GAB2: variants seen among roughly 807,000 people sequenced by gnomAD.
GAB2 encodes the protein GRB2-associated-binding protein 2.
A neutral mutation model predicts 65.5 loss-of-function variants in GAB2; 26 were observed. The ratio of observed to expected loss-of-function variants is 0.40; its 90% confidence interval spans 0.29 to 0.55. The LOEUF is 0.55. Among genes scored for constraint, GAB2 ranks in the 20% least tolerant of loss-of-function variants. GAB2 has a pLI of 0.53. For synonymous variants in GAB2, 321 were observed against 329.6 expected (o/e 0.97, Z 0.28); for missense variants, 884 against 875.8 (o/e 1.01, Z -0.12).
chr11:78,413,391 T>C (rs189171151), intron 1 of GAB2, among the ~76,000 whole-genome samples: 1 of 152,202 alleles, frequency 6.6e-6, no homozygotes, highest in Non-Finnish European at 1.5e-5. Context: ...CAGGCATTTA[T>C]AGTGTCAGCC....
rs1864581449 is a variant in GAB2, at chr11:78,225,013, C to T, written c.1302+95G>A. ...GGGCAGGGTCCTAAGATGGAGACGC[C>T]ATCAATCTTTTGGGGTTGTGCTTTT... is the stretch of plus-strand genomic sequence containing the variant. On this transcript the variant is annotated intron_variant, in intron 5 of 9. Transcript: ENST00000361507. 4.0e-6 allele frequency: 3 copies of T among 758,796 alleles called. No individual in the cohort carries two copies. The East Asian group carries it at 7.4e-5, about 19-fold the overall frequency. 47.0% of individuals were successfully genotyped at this position (758,796 alleles called of 1,614,324 possible).
chr11:78,363,975 A>G (rs1388046400), intron 1 of GAB2: 1 of 152,180 alleles, frequency 6.6e-6, no homozygotes, highest in Non-Finnish European at 1.5e-5. Flanking sequence ...GACCTAAGGG[A>G]AAGGTTCTCA....
chr11:78,302,860 A>C (rs1336738988), intron 1 of GAB2, among the ~76,000 whole-genome samples: 7 of 152,228 alleles, frequency 4.6e-5, no homozygotes, highest in Non-Finnish European at 1.0e-4. Context: ...ATACTAGTCG[A>C]CCATAAAAAG....
chr11:78,314,734 T>G (rs1374093205), intron 1 of GAB2, among the ~76,000 whole-genome samples: 2 of 152,224 alleles, frequency 1.3e-5, no homozygotes, highest in Non-Finnish European at 2.9e-5. Context: ...AAGGTAAGAC[T>G]ATATTGCATA....
At chr11:78,416,517 C>T (rs1857198156) in intron 1 of GAB2, among the ~76,000 whole-genome samples, 1 of 152,222 alleles carries the variant, frequency 6.6e-6, no homozygotes, top group African/African-American at 2.4e-5. Flanking sequence ...TCCGAGCTCC[C>T]TTGATGCACT....
chr11:78,315,534 C>G (rs1269896750), intron 1 of GAB2, among the ~76,000 whole-genome samples: 1 of 152,024 alleles, frequency 6.6e-6, no homozygotes, highest in Non-Finnish European at 1.5e-5. Flanking sequence ...GGACCAAAGA[C>G]CTAAATATAA....
At position 78,217,706 on chromosome 11, in the gene GAB2, C is replaced by T. The variant is rs1249630651; in HGVS notation, c.*1566G>A. On this transcript the variant is annotated 3_prime_UTR_variant, in exon 10 of 10. Coordinates refer to ENST00000361507, the MANE Select transcript of GAB2 (RefSeq NM_080491.3). ...AAGGAACCTTGGGTGATGCCCTACA[C>T]CCCGTCCCTGCTAATCTGATGGCCT... 6.6e-6 allele frequency: 1 copy of T among 152,280 alleles called. No homozygotes were observed. Among genetic ancestry groups the T allele is most frequent in the African/African-American group, 2.4e-5 (1 of 41,450 alleles). The allele number at this position is 152,280 out of a possible 1,614,324, so 9.4% of individuals were successfully genotyped here.
chr11:78,218,776 T>G lies in GAB2; in HGVS notation c.*496A>C, dbSNP rs1267988442. The G allele has an allele frequency of 6.5e-6, 1 of 153,750 alleles. No homozygotes were observed. The highest frequency in any genetic ancestry group is 1.5e-5 in the Non-Finnish European group (1 of 68,850). 9.5% of individuals were successfully genotyped at this position (153,750 alleles called of 1,614,324 possible). ...TCTCTCCTGCCAAGAAAAACAGGAA[T>G]GAAAAAGTCCATTATCCACTTTGGT... On this transcript the variant is annotated 3_prime_UTR_variant, in exon 10 of 10. Transcript: ENST00000361507.
chr11:78,373,400 G>A (rs901285281), intron 1 of GAB2, among the ~76,000 whole-genome samples: 1 of 151,920 alleles, frequency 6.6e-6, no homozygotes, highest in Non-Finnish European at 1.5e-5. Flanking sequence ...CACCACACCC[G>A]GCTAATTTTG....
At chr11:78,229,506 T>C (rs908720594) in intron 3 of GAB2, among the ~76,000 whole-genome samples, 3 of 152,166 alleles carry the variant, frequency 2.0e-5, no homozygotes, top group Non-Finnish European at 4.4e-5. Context: ...TCTGGAACTC[T>C]TCTCCTCCTG....
intron 3 of GAB2, among the ~76,000 whole-genome samples, chr11:78,247,252 A>G (rs1276734955): frequency 1.3e-5 from 2 of 152,092 alleles, no homozygotes; most frequent in Non-Finnish European, 2.9e-5. Flanking sequence ...GTCTTTGGGT[A>G]TTGCACTTTG....
At chr11:78,312,983 C>T (rs1286075623) in intron 1 of GAB2, among the ~76,000 whole-genome samples, 1 of 152,056 alleles carries the variant, frequency 6.6e-6, no homozygotes, top group South Asian at 2.1e-4. Context: ...TAATATAAAA[C>T]ATGATATACT....
At chr11:78,291,316 A>G (rs973052833) in intron 1 of GAB2, among the ~76,000 whole-genome samples, 1 of 128,504 alleles carries the variant, frequency 7.8e-6, no homozygotes, top group Non-Finnish European at 1.7e-5. Flanking sequence ...AAAAAAAAAA[A>G]TTAGCCAGGC....
At chr11:78,381,021 GAGTC>G (rs1856691375) in intron 1 of GAB2, among the ~76,000 whole-genome samples, 1 of 152,098 alleles carries the variant, frequency 6.6e-6, no homozygotes, top group Non-Finnish European at 1.5e-5. Flanking sequence ...CATTCATTTG[GAGTC>G]AGTGTCTCCC....
At chr11:78,286,227 C>T (rs1411355437) in intron 1 of GAB2, among the ~76,000 whole-genome samples, 2 of 152,138 alleles carry the variant, frequency 1.3e-5, no homozygotes, top group African/African-American at 4.8e-5. Flanking sequence ...GACTTTATGT[C>T]TTTGCACAAG....
intron 2 of GAB2, among the ~76,000 whole-genome samples, chr11:78,250,636 T>C (rs910119386): frequency 1.3e-5 from 2 of 152,132 alleles, no homozygotes; most frequent in Admixed American, 1.3e-4. Flanking sequence ...CCTATCACAA[T>C]GTAGGCCATA....
chr11:78,246,877 T>A (rs1017807506), intron 3 of GAB2, among the ~76,000 whole-genome samples: 4 of 152,098 alleles, frequency 2.6e-5, no homozygotes, highest in African/African-American at 9.7e-5. Flanking sequence ...TGTATGGTAG[T>A]TCAAATCTTC....
At chr11:78,408,707 G>A (rs1294269261) in intron 1 of GAB2, among the ~76,000 whole-genome samples, 2 of 152,178 alleles carry the variant, frequency 1.3e-5, no homozygotes, top group Admixed American at 1.3e-4. Flanking sequence ...ATTGGATTAT[G>A]GAGGTGGAGT....
At chr11:78,402,155 C>T (rs531178140) in intron 1 of GAB2, among the ~76,000 whole-genome samples, 25 of 152,160 alleles carry the variant, frequency 1.6e-4, no homozygotes, top group Non-Finnish European at 2.4e-4. Context: ...AATCCAGCAA[C>T]ACCCAACTGT....
Sources: gnomAD v4.1 joint callset for allele counts (sites outside exome capture counted in the v4.1 genomes callset) on GRCh38, gnomAD v4.1.1 for gene constraint, MANE v1.5 for transcripts, NCBI Gene and HGNC (gene_info 2026-07-23, HGNC 2026-07-21) for gene names.